Variants in RBFOX1 observed in about 807,000 individuals in gnomAD.
RBFOX1 encodes the protein RNA binding fox-1 homolog 1, also known as RNA binding protein fox-1 homolog 1.
Under a neutral mutation model 57.7 loss-of-function variants are expected in RBFOX1, and 8 were observed. The ratio of observed to expected loss-of-function variants is 0.14; its 90% confidence interval spans 0.08 to 0.25. The LOEUF is 0.25. Among genes scored for constraint, RBFOX1 ranks in the 10% least tolerant of loss-of-function variants. The pLI is 1.00. For missense variants in RBFOX1, 611 were observed against 548.5 expected (o/e 1.11, Z -1.14); for synonymous variants, 326 against 222.4 (o/e 1.47, Z -4.15).
chr16:5,337,826 T>C (rs116319793), intron 1 of RBFOX1, among the ~76,000 whole-genome samples: 4,681 of 152,234 alleles, frequency 0.031, 249 homozygotes, highest in African/African-American at 0.11. Context: ...AATGTATTGC[T>C]TGAGCCCAGG....
intron 4 of RBFOX1, among the ~76,000 whole-genome samples, chr16:7,204,957 C>A (rs771344894): frequency 6.6e-6 from 1 of 152,130 alleles, no homozygotes; most frequent in African/African-American, 2.4e-5. Context: ...AATTCCTTGT[C>A]TTTTTTGTCC....
chr16:5,598,791 A>C (rs2047270853), intron 2 of RBFOX1: 1 of 801,646 alleles, frequency 1.2e-6, no homozygotes, highest in Admixed American at 2.9e-5. Context: ...TACTGTGGCT[A>C]AACGTGGTGA....
At chr16:7,274,377 C>T (rs921060595) in intron 4 of RBFOX1, among the ~76,000 whole-genome samples, 1 of 152,242 alleles carries the variant, frequency 6.6e-6, no homozygotes, top group Admixed American at 6.5e-5. Flanking sequence ...CAGAGATACA[C>T]AATAAAGAAG....
At chr16:5,880,086 C>G (rs1310415123) in intron 4 of RBFOX1, among the ~76,000 whole-genome samples, 1 of 152,218 alleles carries the variant, frequency 6.6e-6, no homozygotes, top group African/African-American at 2.4e-5. Flanking sequence ...ATTCTCATCT[C>G]AGTTCTGTGC....
At chr16:6,043,650 C>T (rs1014055021) in intron 1 of RBFOX1, among the ~76,000 whole-genome samples, 2 of 152,086 alleles carry the variant, frequency 1.3e-5, no homozygotes, top group African/African-American at 4.8e-5. Context: ...CAGGGGGAGT[C>T]TGTTCAGTCA....
chr16:7,077,997 C>A (rs749288912), intron 4 of RBFOX1, among the ~76,000 whole-genome samples: 1 of 152,152 alleles, frequency 6.6e-6, no homozygotes, highest in African/African-American at 2.4e-5. Flanking sequence ...TACTCTGGGG[C>A]CCGGTGAATG....
chr16:7,395,829 A>G (rs1403496702), intron 4 of RBFOX1, among the ~76,000 whole-genome samples: 2 of 152,010 alleles, frequency 1.3e-5, no homozygotes, highest in African/African-American at 4.8e-5. Flanking sequence ...TGCGGGTGAA[A>G]TTTTCCCGTC....
At chr16:7,197,532 T>C (rs1045420950) in intron 4 of RBFOX1, among the ~76,000 whole-genome samples, 1 of 151,272 alleles carries the variant, frequency 6.6e-6, no homozygotes, top group African/African-American at 2.4e-5. Flanking sequence ...TAAAAAAAGT[T>C]AAACATAAAA....
intron 3 of RBFOX1, among the ~76,000 whole-genome samples, chr16:6,884,490 C>G (rs566548824): frequency 3.2e-4 from 48 of 152,300 alleles, no homozygotes; most frequent in African/African-American, 1.1e-3. Context: ...TGTTAAGTAC[C>G]TACCATTTGC....
chr16:6,096,065 T>A (rs2096242103), intron 1 of RBFOX1, among the ~76,000 whole-genome samples: 1 of 152,222 alleles, frequency 6.6e-6, no homozygotes. Context: ...ATGTGTCACT[T>A]TGCCTTTGAC....
chr16:6,981,188 G>C (rs1018262276), intron 3 of RBFOX1, among the ~76,000 whole-genome samples: 1 of 151,760 alleles, frequency 6.6e-6, no homozygotes, highest in Non-Finnish European at 1.5e-5. Flanking sequence ...GTGTGATGGG[G>C]GTTTGTGGTA....
intron 4 of RBFOX1, among the ~76,000 whole-genome samples, chr16:7,358,918 G>A (rs1314777536): frequency 1.3e-5 from 2 of 152,176 alleles, no homozygotes; most frequent in Non-Finnish European, 2.9e-5. Flanking sequence ...GACTCTCTAA[G>A]ACTTGGAATT....
intron 4 of RBFOX1, among the ~76,000 whole-genome samples, chr16:7,224,970 A>T (rs1004347783): frequency 6.6e-6 from 1 of 152,196 alleles, no homozygotes; most frequent in Non-Finnish European, 1.5e-5. Flanking sequence ...AATTCACTTT[A>T]TTGAGCCTCT....
chr16:5,787,136 A>C (rs1385200729), intron 3 of RBFOX1, among the ~76,000 whole-genome samples: 4 of 152,186 alleles, frequency 2.6e-5, no homozygotes, highest in African/African-American at 9.7e-5. Flanking sequence ...ACTGTCTCCC[A>C]AAAAAATAAT....
In RBFOX1 at chr16:5,827,832, G is replaced by GCCAT. The variant is rs1169358347; in HGVS notation, c.319-39459_319-39456dup. Among the ~76,000 whole-genome samples, 192 of 150,236 alleles carry GCCAT rather than the reference G, an allele frequency of 1.3e-3. 2 individuals carry two copies. Among genetic ancestry groups the GCCAT allele is most frequent in the African/African-American group, 4.3e-3 (177 of 40,758 alleles). On this transcript the variant is annotated intron_variant, in intron 3 of 19. Transcript: ENST00000641259. ...ATTCATCCACTCACCCATCCACCTG[G>GCCAT]CCATCCATCCATCCACCCACCCACT...
At chr16:7,207,861 GA>G (rs1317467081) in intron 4 of RBFOX1, among the ~76,000 whole-genome samples, 1 of 152,166 alleles carries the variant, frequency 6.6e-6, no homozygotes, top group African/African-American at 2.4e-5. Context: ...ATTCAGGAGA[GA>G]GAGCTAAGGA....
At chr16:5,278,475 G>T (rs145211476) in intron 1 of RBFOX1, among the ~76,000 whole-genome samples, 1 of 152,096 alleles carries the variant, frequency 6.6e-6, no homozygotes, top group East Asian at 1.9e-4. Flanking sequence ...GTCTTCCAGC[G>T]TTTTTATAGT....
chr16:7,179,986 G>T (rs2082378575), intron 4 of RBFOX1, among the ~76,000 whole-genome samples: 1 of 151,662 alleles, frequency 6.6e-6, no homozygotes, highest in Non-Finnish European at 1.5e-5. Flanking sequence ...CAAGTGATCT[G>T]CCCGCCTTAG....
At chr16:7,378,811 C>T (rs2097732874) in intron 4 of RBFOX1, among the ~76,000 whole-genome samples, 2 of 152,182 alleles carry the variant, frequency 1.3e-5, no homozygotes, top group Admixed American at 1.3e-4. Context: ...AGCCTGGCTC[C>T]TTGGCCATTC....
Sources: gnomAD v4.1 joint callset for allele counts (sites outside exome capture counted in the v4.1 genomes callset) on GRCh38, gnomAD v4.1.1 for gene constraint, MANE v1.5 for transcripts, NCBI Gene and HGNC (gene_info 2026-07-23, HGNC 2026-07-21) for gene names.